The following TECR variants were observed in gnomAD, a reference collection of about 807,000 sequenced individuals.
TECR encodes trans-2,3-enoyl-CoA reductase, also known as very-long-chain enoyl-CoA reductase.
A neutral mutation model predicts 50.6 loss-of-function variants in TECR; 19 were observed. The ratio of observed to expected loss-of-function variants is 0.38; its 90% confidence interval spans 0.26 to 0.55. The LOEUF is 0.55. TECR is among the 20% of genes least tolerant of loss of function. TECR has a pLI of 0.79. For missense variants in TECR, 313 were observed against 408.3 expected, an observed-to-expected ratio of 0.77 and a Z score of 2.01; for synonymous variants, 168 against 163.5, an observed-to-expected ratio of 1.03 and a Z score of -0.21.
chr19:14,541,825 A>C (rs1187273887), intron 1 of TECR, among the ~76,000 whole-genome samples: 1 of 148,152 alleles, frequency 6.7e-6, no homozygotes, highest in African/African-American at 2.5e-5. Flanking sequence ...TCTTGTCACC[A>C]AGGCTGGAGT....
upstream of TECR, among the ~76,000 whole-genome samples, chr19:14,528,534 G>A (rs1568386510): frequency 6.6e-6 from 1 of 151,898 alleles, no homozygotes; most frequent in African/African-American, 2.4e-5. Flanking sequence ...CATCGTTCCC[G>A]GCCTGGACCA....
intron 1 of TECR, among the ~76,000 whole-genome samples, chr19:14,551,006 A>G (rs1462039830): frequency 6.6e-6 from 1 of 151,602 alleles, no homozygotes; most frequent in African/African-American, 2.4e-5. Flanking sequence ...CCTTTCTCTT[A>G]TTAAGTCCAC....
intron 1 of TECR, among the ~76,000 whole-genome samples, chr19:14,559,705 T>A (rs1034640349): frequency 6.6e-6 from 1 of 151,806 alleles, no homozygotes; most frequent in African/African-American, 2.4e-5. Context: ...GAGAATCGTT[T>A]GAACCTGGGG....
intron 1 of TECR, chr19:14,531,372 C>T (rs2072652999): frequency 6.6e-6 from 1 of 152,176 alleles, no homozygotes; most frequent in South Asian, 2.1e-4. Flanking sequence ...ATTACTACCT[C>T]TGCCTCCTGC....
At chr19:14,543,417 ATATTTTTTTTTTTTTTTTTTTTTTTT>A (rs2073189217) in intron 1 of TECR, among the ~76,000 whole-genome samples, 1 of 9,992 alleles carries the variant, frequency 1.0e-4, no homozygotes, top group Non-Finnish European at 2.0e-4. Context: ...ATATATATAT[ATATTTTTTTTTTTTTTTTTTTTTTTT>A]TTTTTTTTTT....
At chr19:14,539,711 C>T (rs1462810661) in intron 1 of TECR, among the ~76,000 whole-genome samples, 1 of 152,126 alleles carries the variant, frequency 6.6e-6, no homozygotes, top group Non-Finnish European at 1.5e-5. Flanking sequence ...GATGCCCTTC[C>T]CTCTGCTTTC....
In TECR at chr19:14,529,641, T is replaced by C. The variant is rs1051026262; in HGVS notation, c.-56T>C. 5 of 1,613,278 alleles carry C rather than the reference T, an allele frequency of 3.1e-6. No individual in the cohort carries two copies. Among genetic ancestry groups the C allele is most frequent in the Non-Finnish European group, 4.2e-6 (5 of 1,179,542 alleles). ...CGAGCGCTGTAGGGAGCCTGTGCTG[T>C]GCCGCGCAGTTAGGCAGCAGCAGCC... On this transcript the variant is annotated 5_prime_UTR_variant, in exon 1 of 13. Transcript: ENST00000215567.
intron 7 of TECR, 138 bp from the exon 8 acceptor site, chr19:14,564,648 C>A: frequency 1.1e-6 from 1 of 897,348 alleles, no homozygotes; most frequent in Middle Eastern, 3.3e-4. Flanking sequence ...CTTGGCCCCG[C>A]CTATCCTCCC....
intron 1 of TECR, among the ~76,000 whole-genome samples, chr19:14,552,145 TTTTCTTTC>T (rs141646907): frequency 7.4e-5 from 11 of 148,264 alleles, no homozygotes; most frequent in East Asian, 4.0e-4. Context: ...GGCCTTTTTC[TTTTCTTTC>T]TTTCTTTCTT....
intron 1 of TECR, among the ~76,000 whole-genome samples, chr19:14,535,167 G>T (rs1265113101): frequency 6.6e-6 from 1 of 151,784 alleles, no homozygotes; most frequent in Non-Finnish European, 1.5e-5. Context: ...GAGGTCAGGA[G>T]TTCAAGACTA....
rs888791029 is a variant in TECR, at chr19:14,562,429, G to T, written c.16-96G>T. On this transcript the variant is annotated intron_variant, in intron 1 of 12. Transcript: ENST00000215567. ...GAACTTGAGCTTGTTGGCCCGGGAGGCCACCCCAGGCCTCCTCCCTGGCCT... is the reference window on the plus strand; with the variant it reads ...GAACTTGAGCTTGTTGGCCCGGGAGTCCACCCCAGGCCTCCTCCCTGGCCT... The T allele has an allele frequency of 1.1e-5, 16 of 1,408,012 alleles. No homozygotes were observed. In the African/African-American group the frequency reaches 2.1e-4, roughly 19 times the overall value. The allele number at this position is 1,408,012 out of a possible 1,614,324, so 87.2% of individuals were successfully genotyped here.
intron 1 of TECR, chr19:14,545,663 G>A (rs1002291485): frequency 4.9e-5 from 9 of 182,556 alleles, no homozygotes; most frequent in South Asian, 1.1e-4. Context: ...GGCACAGTCC[G>A]TGTTGGTTGC....
At chr19:14,562,657 G>A (rs1468580000) in intron 2 of TECR, 82 bp downstream of exon 2, 1 of 1,526,756 alleles carries the variant, frequency 6.5e-7, no homozygotes, top group Non-Finnish European at 9.1e-7. Context: ...GCTGTCCAGT[G>A]GGGCCCTTTG....
At chr19:14,542,347 G>GGGTTT (rs2073124658) in intron 1 of TECR, among the ~76,000 whole-genome samples, 4 of 43,302 alleles carry the variant, frequency 9.2e-5, no homozygotes, top group African/African-American at 3.2e-4. Flanking sequence ...ATGCCATAGT[G>GGGTTT]TTTTTTTTTT....
chr19:14,542,182 C>T (rs996723899), intron 1 of TECR, among the ~76,000 whole-genome samples: 1 of 151,880 alleles, frequency 6.6e-6, no homozygotes, highest in Non-Finnish European at 1.5e-5. Context: ...CCAGGCTGGT[C>T]TCCAACTCTT....
intron 1 of TECR, among the ~76,000 whole-genome samples, chr19:14,541,135 C>G (rs937765788): frequency 6.6e-6 from 1 of 152,056 alleles, no homozygotes; most frequent in Non-Finnish European, 1.5e-5. Flanking sequence ...CAGTGCCTGG[C>G]TAATTTTTAA....
At position 14,557,916 on chromosome 19, in the gene TECR, C is replaced by T. The variant is rs556915658; in HGVS notation, c.16-4609C>T. Among the ~76,000 whole-genome samples the T allele has an allele frequency of 1.3e-3, 200 of 152,074 alleles. 1 individual carries two copies. The highest frequency in any genetic ancestry group is 3.9e-3 in the African/African-American group (160 of 41,492). ...GACTACAGGCACCCACCACCGCACC[C>T]GGCTAATTTTTTGTATTTTTAGTAG... On this transcript the variant is annotated intron_variant, in intron 1 of 12. Coordinates refer to ENST00000215567, the MANE Select transcript of TECR (RefSeq NM_138501.6).
chr19:14,532,839 G>A (rs2072724188), intron 1 of TECR, among the ~76,000 whole-genome samples: 1 of 152,206 alleles, frequency 6.6e-6, no homozygotes, highest in African/African-American at 2.4e-5. Flanking sequence ...GCCGGGCGAG[G>A]TGGCTCATGC....
At chr19:14,554,985 G>T (rs1382336426) in intron 1 of TECR, among the ~76,000 whole-genome samples, 1 of 151,508 alleles carries the variant, frequency 6.6e-6, no homozygotes, top group Non-Finnish European at 1.5e-5. Context: ...CACCATGTTA[G>T]CCTGGCTGGT....
Sources: gnomAD v4.1 joint callset for allele counts (sites outside exome capture counted in the v4.1 genomes callset) on GRCh38, gnomAD v4.1.1 for gene constraint, MANE v1.5 for transcripts, NCBI Gene and HGNC (gene_info 2026-07-23, HGNC 2026-07-21) for gene names.